PIP4K2A: variants seen among roughly 807,000 people sequenced by gnomAD.
PIP4K2A encodes phosphatidylinositol-5-phosphate 4-kinase type 2 alpha.
A neutral mutation model predicts 42.9 loss-of-function variants in PIP4K2A; 14 were observed. The observed-to-expected ratio is 0.33, with a 90% confidence interval of 0.22 to 0.51. The LOEUF (loss-of-function observed/expected upper bound fraction) is 0.51, where lower values mean the gene tolerates loss of function less well. PIP4K2A is among the 20% of genes least tolerant of loss of function. PIP4K2A has a pLI of 0.97. For synonymous variants in PIP4K2A, 192 were observed against 192.2 expected (o/e 1.00, Z 0.01); for missense variants, 434 against 519.8 (o/e 0.83, Z 1.61).
chr10:22,540,856 G>A lies in PIP4K2A; in HGVS notation c.1037-782C>T, dbSNP rs202003163. On this transcript the variant is annotated intron_variant, in intron 8 of 9. Transcript: ENST00000376573. Reference sequence around the variant, plus strand: ...AGGCATGAACCACTGCGCCCGGCCCGTGTCTGTTTTCTATCCATTTCCAAA... The same window carrying A: ...AGGCATGAACCACTGCGCCCGGCCCATGTCTGTTTTCTATCCATTTCCAAA... Among the ~76,000 whole-genome samples the A allele has an allele frequency of 1.1e-4, 16 of 152,276 alleles. No individual in the cohort carries two copies. The East Asian group carries it at 2.1e-3, about 20-fold the overall frequency.
At chr10:22,624,687 A>G (rs575702441) in intron 1 of PIP4K2A, among the ~76,000 whole-genome samples, 6 of 151,408 alleles carry the variant, frequency 4.0e-5, no homozygotes, top group Admixed American at 2.6e-4. Context: ...TAGCAGGGGG[A>G]AAAAAAAATC....
intron 6 of PIP4K2A, among the ~76,000 whole-genome samples, chr10:22,566,744 G>C (rs1465563345): frequency 6.6e-6 from 1 of 152,070 alleles, no homozygotes; most frequent in Admixed American, 6.6e-5. Context: ...GATCCTTCAG[G>C]TTTCTGGACA....
At chr10:22,697,844 AT>A (rs1297840042) in intron 1 of PIP4K2A, among the ~76,000 whole-genome samples, 3 of 152,222 alleles carry the variant, frequency 2.0e-5, no homozygotes, top group Admixed American at 6.5e-5. Flanking sequence ...GTTCATGTGA[AT>A]CGTCCATAGG....
chr10:22,634,549 A>G (rs1838620681), intron 1 of PIP4K2A, among the ~76,000 whole-genome samples: 1 of 152,152 alleles, frequency 6.6e-6, no homozygotes, highest in African/African-American at 2.4e-5. Context: ...TTATAATAGG[A>G]TCTTTTATAA....
chr10:22,634,876 C>T (rs535330667), intron 1 of PIP4K2A, among the ~76,000 whole-genome samples: 2 of 152,270 alleles, frequency 1.3e-5, no homozygotes, highest in Admixed American at 1.3e-4. Context: ...AACCACTAAC[C>T]TTAGTGGCTT....
At chr10:22,622,881 A>G (rs1448845930) in intron 1 of PIP4K2A, among the ~76,000 whole-genome samples, 1 of 152,262 alleles carries the variant, frequency 6.6e-6, no homozygotes, top group East Asian at 1.9e-4. Flanking sequence ...AGTAAGGTGA[A>G]TGCTATTATT....
intron 4 of PIP4K2A, among the ~76,000 whole-genome samples, chr10:22,574,115 C>A (rs1263136213): frequency 1.3e-5 from 2 of 152,198 alleles, no homozygotes; most frequent in Non-Finnish European, 2.9e-5. Context: ...AAACACAACA[C>A]GACCTTGGCT....
intron 7 of PIP4K2A, among the ~76,000 whole-genome samples, chr10:22,544,582 C>T (rs994510180): frequency 3.9e-5 from 6 of 152,228 alleles, no homozygotes; most frequent in Non-Finnish European, 8.8e-5. Context: ...CCCACACCTG[C>T]TCCCTCTGGG....
intron 1 of PIP4K2A, among the ~76,000 whole-genome samples, chr10:22,679,664 T>C (rs1378260788): frequency 1.3e-5 from 2 of 152,212 alleles, no homozygotes; most frequent in Admixed American, 1.3e-4. Flanking sequence ...CAAAGGTCCA[T>C]TAATGGGTGA....
At chr10:22,566,735 ATCCT>A (rs1836856938) in intron 6 of PIP4K2A, among the ~76,000 whole-genome samples, 1 of 151,936 alleles carries the variant, frequency 6.6e-6, no homozygotes. Context: ...ACTCCTATTG[ATCCT>A]TCAGGTTTCT....
intron 1 of PIP4K2A, chr10:22,642,019 G>A (rs189419016): frequency 1.3e-5 from 2 of 152,310 alleles, no homozygotes; most frequent in East Asian, 3.9e-4. Context: ...ATTTAATGAT[G>A]AGATATAAAG....
At chr10:22,694,889 C>T (rs938905022) in intron 1 of PIP4K2A, among the ~76,000 whole-genome samples, 1 of 152,172 alleles carries the variant, frequency 6.6e-6, no homozygotes, top group Non-Finnish European at 1.5e-5. Context: ...GAACTTACTG[C>T]TATCCACAAA....
intron 5 of PIP4K2A, chr10:22,568,956 G>T: frequency 7.4e-7 from 1 of 1,355,926 alleles, no homozygotes; most frequent in Non-Finnish European, 1.0e-6. Context: ...ACCACCTGAT[G>T]AAAAGACATC....
At chr10:22,598,740 A>G (rs749015877) in intron 3 of PIP4K2A, among the ~76,000 whole-genome samples, 18 of 152,360 alleles carry the variant, frequency 1.2e-4, no homozygotes, top group South Asian at 6.2e-4. Context: ...CTGCAAAGAA[A>G]GACAGCTGGA....
chr10:22,580,140 G>C (rs933747659), intron 4 of PIP4K2A, among the ~76,000 whole-genome samples: 1 of 151,784 alleles, frequency 6.6e-6, no homozygotes, highest in Admixed American at 6.5e-5. Flanking sequence ...TATCTTTAAT[G>C]CATGACGGGG....
intron 1 of PIP4K2A, among the ~76,000 whole-genome samples, chr10:22,664,170 T>TATATATATATACATATATAC (rs1564460222): frequency 3.2e-5 from 2 of 61,818 alleles, no homozygotes; most frequent in Non-Finnish European, 5.4e-5. Flanking sequence ...TATATATACA[T>TATATATATATACATATATAC]ATATATATAT....
intron 1 of PIP4K2A, among the ~76,000 whole-genome samples, chr10:22,668,660 T>G (rs964153319): frequency 3.3e-5 from 5 of 152,162 alleles, no homozygotes; most frequent in Non-Finnish European, 7.4e-5. Context: ...TCTGCAAAAT[T>G]CTATATGGCC....
chr10:22,577,077 CAAAAAAAAAAA>C (rs5783800), intron 4 of PIP4K2A, among the ~76,000 whole-genome samples: 5 of 76,484 alleles, frequency 6.5e-5, no homozygotes, highest in Non-Finnish European at 1.4e-4. Flanking sequence ...ACTCCTGTCT[CAAAAAAAAAAA>C]AAAAAAAAAA....
rs536558030 is a variant in PIP4K2A at position 22,623,933 on chromosome 10, C to A, written c.145-14216G>T. The stretch of plus-strand genomic sequence containing the variant: ...CATCAGATATGAAAAGAATAGTTCA[C>A]AACAATTAAAATGACTGGGAAGACT... On this transcript the variant is annotated intron_variant, in intron 1 of 9. Coordinates refer to ENST00000376573, the MANE Select transcript of PIP4K2A (RefSeq NM_005028.5). Among the ~76,000 whole-genome samples the A allele has an allele frequency of 1.2e-4, 18 of 152,264 alleles. No individual in the cohort carries two copies. The South Asian group carries it at 2.3e-3, about 19-fold the overall frequency.
Sources: allele counts gnomAD v4.1 joint callset (sites outside exome capture counted in the v4.1 genomes callset), GRCh38; gene constraint gnomAD v4.1.1; transcripts MANE v1.5; gene names NCBI Gene and HGNC (gene_info 2026-07-23, HGNC 2026-07-21).